CNTNAP5: variants seen among roughly 807,000 people sequenced by gnomAD.
The protein encoded by CNTNAP5 is contactin-associated protein-like 5.
CNTNAP5 carries 72 observed loss-of-function variants against 150.2 expected under a neutral mutation model. The observed-to-expected ratio is 0.48, with a 90% CI of 0.40 to 0.58. CNTNAP5 has a LOEUF of 0.58. Among genes scored for constraint, CNTNAP5 ranks in the 20% least tolerant of loss-of-function variants. The pLI is 0.00. For missense variants in CNTNAP5, 1,636 were observed against 1,626.2 expected, an observed-to-expected ratio of 1.01 and a Z score of -0.10; for synonymous variants, 672 against 619.8, an observed-to-expected ratio of 1.08 and a Z score of -1.25.
chr2:124,374,643 G>C (rs553564930), intron 3 of CNTNAP5, among the ~76,000 whole-genome samples: 1 of 152,142 alleles, frequency 6.6e-6, no homozygotes, highest in Non-Finnish European at 1.5e-5. Context: ...CAGGCGACAT[G>C]CTCATCACTA....
intron 8 of CNTNAP5, among the ~76,000 whole-genome samples, chr2:124,516,343 G>A (rs1025503785): frequency 5.3e-5 from 8 of 152,020 alleles, no homozygotes; most frequent in Non-Finnish European, 1.0e-4. Flanking sequence ...AGCTACCTTC[G>A]AATTGTTAAA....
chr2:124,431,275 C>T (rs535409092), intron 4 of CNTNAP5, among the ~76,000 whole-genome samples: 10 of 151,870 alleles, frequency 6.6e-5, no homozygotes, highest in East Asian at 1.9e-4. Context: ...ATCATAGTAA[C>T]GATGATGAAT....
intron 13 of CNTNAP5, among the ~76,000 whole-genome samples, chr2:124,702,232 T>TGTATTTGA (rs1679536387): frequency 1.3e-5 from 2 of 151,954 alleles, no homozygotes; most frequent in South Asian, 4.1e-4. Context: ...ATGGAACATC[T>TGTATTTGA]GTATTTGAGT....
At chr2:124,405,763 A>G (rs1369194596) in intron 3 of CNTNAP5, among the ~76,000 whole-genome samples, 8 of 152,192 alleles carry the variant, frequency 5.3e-5, no homozygotes, top group Non-Finnish European at 1.2e-4. Context: ...TTTTATATGC[A>G]TGGAATCGTG....
intron 1 of CNTNAP5, among the ~76,000 whole-genome samples, chr2:124,050,375 G>T (rs1206600157): frequency 1.3e-5 from 2 of 151,914 alleles, no homozygotes; most frequent in African/African-American, 4.8e-5. Context: ...AAGGTGGGAG[G>T]ATTGCTTGAG....
intron 3 of CNTNAP5, among the ~76,000 whole-genome samples, chr2:124,317,393 C>G (rs920597756): frequency 6.6e-6 from 1 of 152,056 alleles, no homozygotes; most frequent in African/African-American, 2.4e-5. Flanking sequence ...AGTAGAAAAG[C>G]TAAGACTGAA....
chr2:124,075,472 A>C (rs1682416105), intron 1 of CNTNAP5, among the ~76,000 whole-genome samples: 1 of 152,112 alleles, frequency 6.6e-6, no homozygotes, highest in African/African-American at 2.4e-5. Context: ...CATCTTTGCT[A>C]AGTTCTTAGC....
intron 10 of CNTNAP5, among the ~76,000 whole-genome samples, chr2:124,535,528 C>T (rs1695209751): frequency 6.6e-6 from 1 of 150,686 alleles, no homozygotes; most frequent in Non-Finnish European, 1.5e-5. Flanking sequence ...CTTTGGGAGG[C>T]CAAGAAGGGC....
At chr2:124,574,999 C>T (rs888104367) in intron 11 of CNTNAP5, among the ~76,000 whole-genome samples, 9 of 152,128 alleles carry the variant, frequency 5.9e-5, no homozygotes, top group Non-Finnish European at 8.8e-5. Context: ...AATCAATGGG[C>T]GTGAAATCTC....
intron 7 of CNTNAP5, among the ~76,000 whole-genome samples, chr2:124,487,951 G>A (rs1693928899): frequency 6.6e-6 from 1 of 152,118 alleles, no homozygotes; most frequent in Non-Finnish European, 1.5e-5. Flanking sequence ...ATTCATAAGA[G>A]TCCAGAGATC....
intron 1 of CNTNAP5, among the ~76,000 whole-genome samples, chr2:124,079,953 G>T (rs895628282): frequency 6.6e-6 from 1 of 152,112 alleles, no homozygotes; most frequent in African/African-American, 2.4e-5. Context: ...TAAATGAATT[G>T]CTACTCATAG....
intron 14 of CNTNAP5, among the ~76,000 whole-genome samples, chr2:124,748,182 A>T (rs554668107): frequency 6.6e-6 from 1 of 152,218 alleles, no homozygotes; most frequent in South Asian, 2.1e-4. Flanking sequence ...TTTATTAAGC[A>T]TCTATTAAAT....
At chr2:124,280,173 T>C (rs559713895) in intron 3 of CNTNAP5, among the ~76,000 whole-genome samples, 13 of 151,728 alleles carry the variant, frequency 8.6e-5, no homozygotes, top group African/African-American at 2.9e-4. Context: ...TATATACGTA[T>C]ATATATACAT....
chr2:124,590,984 A>G (rs1293253498), intron 11 of CNTNAP5, among the ~76,000 whole-genome samples: 2 of 152,204 alleles, frequency 1.3e-5, no homozygotes. Context: ...CTATATTCAG[A>G]CTATTTTCCT....
chr2:124,711,027 C>T (rs1170899218), intron 13 of CNTNAP5, among the ~76,000 whole-genome samples: 1 of 152,140 alleles, frequency 6.6e-6, no homozygotes, highest in East Asian at 1.9e-4. Context: ...AATCCCCGCA[C>T]TTTGGGAGGC....
At chr2:124,285,541 C>T (rs992853567) in intron 3 of CNTNAP5, among the ~76,000 whole-genome samples, 4 of 151,822 alleles carry the variant, frequency 2.6e-5, no homozygotes, top group Admixed American at 2.0e-4. Context: ...GGCTCACGCC[C>T]GTAATCTCAA....
chr2:124,870,852 C>T (rs375740377), intron 21 of CNTNAP5, among the ~76,000 whole-genome samples: 3 of 151,998 alleles, frequency 2.0e-5, no homozygotes, highest in Middle Eastern at 3.2e-3. Flanking sequence ...CGGGCCCCTG[C>T]TTTTGCTTGC....
At chr2:124,104,796 T>C (rs1049395948) in intron 1 of CNTNAP5, among the ~76,000 whole-genome samples, 1 of 152,174 alleles carries the variant, frequency 6.6e-6, no homozygotes, top group Non-Finnish European at 1.5e-5. Flanking sequence ...TCCATGACTT[T>C]CCCATTCAAA....
chr2:124,461,444 G>C (rs1693248834), intron 6 of CNTNAP5, among the ~76,000 whole-genome samples: 1 of 145,322 alleles, frequency 6.9e-6, no homozygotes, highest in South Asian at 2.2e-4. Flanking sequence ...ACCAAACACT[G>C]CATATTCTCA....
Sources: gnomAD v4.1 joint callset for allele counts (sites outside exome capture counted in the v4.1 genomes callset) on GRCh38, gnomAD v4.1.1 for gene constraint, MANE v1.5 for transcripts, NCBI Gene and HGNC (gene_info 2026-07-23, HGNC 2026-07-21) for gene names.